Variants in STK32C observed in about 807,000 individuals in gnomAD.
The protein encoded by STK32C is serine/threonine kinase 32C, also known as serine/threonine-protein kinase 32C.
STK32C carries 31 observed loss-of-function variants against 56.5 expected under a neutral mutation model. The ratio of observed to expected loss-of-function variants is 0.55; its 90% CI spans 0.41 to 0.74. The LOEUF is 0.74. Among genes scored for constraint, STK32C ranks in the 30% least tolerant of loss-of-function variants. STK32C has a pLI of 0.00. For missense variants in STK32C, 544 were observed against 676.9 expected (o/e 0.80, Z 2.18); for synonymous variants, 309 against 289.4 (o/e 1.07, Z -0.69).
Position 132,295,311 on chromosome 10 carries a change from G to A in STK32C, c.262+12261C>T, listed in dbSNP as rs545601450. Among the ~76,000 whole-genome samples the A allele has an allele frequency of 5.9e-5, 9 of 152,280 alleles. No individual in the cohort carries two copies. In the South Asian group the frequency reaches 1.7e-3, roughly 28 times the overall value. On this transcript the variant is annotated intron_variant, in intron 1 of 11. Transcript: ENST00000298630. ...CCTTGGAGAAATGGCCAGTTCTAGG[G>A]CTGGGTAAGGAAACACACGGGGTGA...
At chr10:132,239,835 C>G (rs866872585) in intron 2 of STK32C, among the ~76,000 whole-genome samples, 17 of 152,354 alleles carry the variant, frequency 1.1e-4, no homozygotes, top group Middle Eastern at 3.4e-3. Flanking sequence ...GGTCCCAAGC[C>G]CAGGATCCAG....
rs191091392 is a variant in STK32C, at chr10:132,279,024, C to T, written c.262+28548G>A. Among the ~76,000 whole-genome samples the T allele has an allele frequency of 3.0e-3, 457 of 152,216 alleles. 4 individuals carry two copies. Among genetic ancestry groups the T allele is most frequent in the South Asian group, 3.7e-3 (18 of 4,818 alleles). On this transcript the variant is annotated intron_variant, in intron 1 of 11. Coordinates refer to ENST00000298630, the MANE Select transcript of STK32C (RefSeq NM_173575.4). ...CCCTTTGTCTTGAATACAGCCAGTGCCAGTTGCCCATATACCATGCAGGGG... is the reference window on the plus strand; with the variant it reads ...CCCTTTGTCTTGAATACAGCCAGTGTCAGTTGCCCATATACCATGCAGGGG...
intron 1 of STK32C, among the ~76,000 whole-genome samples, chr10:132,261,591 CCT>C (rs910755113): frequency 1.3e-5 from 2 of 152,076 alleles, no homozygotes; most frequent in African/African-American, 4.8e-5. Context: ...ACGGTAAAAC[CCT>C]GTCTCTATTA....
At chr10:132,273,398 C>T (rs1347613327) in intron 1 of STK32C, among the ~76,000 whole-genome samples, 1 of 152,144 alleles carries the variant, frequency 6.6e-6, no homozygotes. Flanking sequence ...CAGATCTGTT[C>T]TCAACAAAGC....
At chr10:132,293,261 C>T (rs906104431) in intron 1 of STK32C, among the ~76,000 whole-genome samples, 6 of 152,216 alleles carry the variant, frequency 3.9e-5, no homozygotes, top group African/African-American at 7.2e-5. Flanking sequence ...CCAGGCCTGG[C>T]GCCTGGCGGG....
chr10:132,301,999 C>A (rs1029119262), intron 1 of STK32C, among the ~76,000 whole-genome samples: 1 of 152,194 alleles, frequency 6.6e-6, no homozygotes, highest in Admixed American at 6.5e-5. Flanking sequence ...CGCCTGGGGC[C>A]GGCTGGAAAT....
chr10:132,271,089 G>A (rs1036517650), intron 1 of STK32C, among the ~76,000 whole-genome samples: 4 of 152,132 alleles, frequency 2.6e-5, no homozygotes, highest in Admixed American at 2.6e-4. Context: ...ACTCAAAGAC[G>A]CAAATGACTA....
chr10:132,258,847 C>T (rs371738696), intron 1 of STK32C, among the ~76,000 whole-genome samples: 1 of 152,250 alleles, frequency 6.6e-6, no homozygotes, highest in Non-Finnish European at 1.5e-5. Flanking sequence ...CGAGGGCCTC[C>T]AGGGCATGGC....
chr10:132,227,940 G>A lies in STK32C; in HGVS notation c.470+37C>T, dbSNP rs200055139. 1.9e-4 allele frequency: 311 copies of A among 1,607,070 alleles called. 1 individual carries two copies. The African/African-American group carries it at 3.0e-3, about 15-fold the overall frequency. ...GCCAGTGCCTTCCCGGCTTCAGGAC[G>A]GTAAGTCTTTCTGCAGCGAGGCCAT... On this transcript the variant is annotated intron_variant, in intron 3 of 11. Transcript: ENST00000298630.
chr10:132,270,076 C>T (rs1370584353), intron 1 of STK32C, among the ~76,000 whole-genome samples: 3 of 152,232 alleles, frequency 2.0e-5, no homozygotes, highest in Non-Finnish European at 2.9e-5. Flanking sequence ...CAACCTGTGG[C>T]AGGGGACTGA....
chr10:132,275,927 G>C (rs2064982632), intron 1 of STK32C, among the ~76,000 whole-genome samples: 1 of 152,106 alleles, frequency 6.6e-6, no homozygotes, highest in Non-Finnish European at 1.5e-5. Context: ...CCTCTGCCTA[G>C]GAAACCTCAG....
rs779153509 is a variant in STK32C at position 132,307,697 on chromosome 10, C to G, written c.137G>C (p.Arg46Pro). 4 of 1,486,458 alleles carry G rather than the reference C, an allele frequency of 2.7e-6. No homozygotes were observed. Among genetic ancestry groups the G allele is most frequent in the Admixed American group, 2.1e-5 (1 of 47,296 alleles). The allele number at this position is 1,486,458 out of a possible 1,614,324, so 92.1% of individuals were successfully genotyped here. Residue 46 changes from arginine to proline, a missense_variant, in exon 1 of 12, where the codon CGG (arginine) becomes CCG (proline). Transcript: ENST00000298630. The surrounding 1 kb of genome is among the most constrained non-coding windows in gnomAD (Gnocchi z 4.4). Reference protein sequence around the residue: ...PPPAAGQPRARDSGDVRSQPR... With the variant: ...PPPAAGQPRAPDSGDVRSQPR... ...CTGCGAGCGGACATCGCCCGAGTCC[C>G]GGGCCCGGGGCTGGCCAGCAGCGGG...
At chr10:132,280,959 C>T (rs1020238521) in intron 1 of STK32C, among the ~76,000 whole-genome samples, 5 of 139,816 alleles carry the variant, frequency 3.6e-5, no homozygotes, top group South Asian at 4.8e-4. Flanking sequence ...TCCCTGACTA[C>T]GCTGAGGCCT....
downstream of STK32C, among the ~76,000 whole-genome samples, chr10:132,322,929 A>G (rs1340380725): frequency 6.6e-6 from 1 of 152,152 alleles, no homozygotes; most frequent in Non-Finnish European, 1.5e-5. Flanking sequence ...TCGCTTACTC[A>G]ATCCCAGAGT....
downstream of STK32C, among the ~76,000 whole-genome samples, chr10:132,320,699 C>T (rs2066390138): frequency 6.6e-6 from 1 of 152,122 alleles, no homozygotes; most frequent in Admixed American, 6.5e-5. Context: ...CTTTGTGCGC[C>T]ACGTTGAGGC....
In STK32C at chr10:132,327,480, AT is replaced by A. The variant is rs922673980; in HGVS notation, c.302-3108del. 2.6e-3 allele frequency among the ~76,000 whole-genome samples: 382 copies of A among 146,668 alleles called. 2 individuals are homozygous for A. The highest frequency in any genetic ancestry group is 6.6e-3 in the African/African-American group (267 of 40,262). On this transcript the variant is annotated intron_variant, in intron 1 of 1. Transcript: ENST00000368619. ...AATAGGTAATTTTTATTTAAAACAA[AT>A]TTTTTTTTTTTTGAGACAGGGTCTT...
At chr10:132,281,178 G>GACAC (rs10556901) in intron 1 of STK32C, among the ~76,000 whole-genome samples, 9,121 of 149,334 alleles carry the variant, frequency 0.061, 380 homozygotes, top group East Asian at 0.17. Flanking sequence ...GATCCTCGTG[G>GACAC]ACACACACAC....
chr10:132,235,775 A>C (rs1565092139), intron 2 of STK32C, among the ~76,000 whole-genome samples: 9 of 152,272 alleles, frequency 5.9e-5, no homozygotes, highest in Admixed American at 3.9e-4. Context: ...ATTGAGAGAA[A>C]CCATCAGAAG....
At chr10:132,262,117 T>C (rs752299363) in intron 1 of STK32C, among the ~76,000 whole-genome samples, 6 of 151,992 alleles carry the variant, frequency 3.9e-5, no homozygotes, top group Non-Finnish European at 8.8e-5. Context: ...TGGAGCAGAA[T>C]AGAAAACCCC....
Sources: gnomAD v4.1 joint callset for allele counts (sites outside exome capture counted in the v4.1 genomes callset) on GRCh38, gnomAD v4.1.1 for gene constraint, Gnocchi (gnomAD v3.1) non-coding constraint, MANE v1.5 for transcripts, NCBI Gene and HGNC (gene_info 2026-07-23, HGNC 2026-07-21) for gene names.